Variants in ADAM10 observed in about 807,000 individuals in gnomAD.
ADAM10 encodes disintegrin and metalloproteinase domain-containing protein 10.
Under a neutral mutation model 90.1 loss-of-function variants are expected in ADAM10, and 17 were observed. The observed-to-expected ratio is 0.19, with a 90% CI of 0.13 to 0.28. ADAM10 has a LOEUF of 0.28. Ranked by LOEUF, ADAM10 falls within the 10% of genes least tolerant of loss-of-function variation. The probability of loss-of-function intolerance (pLI) is 1.00; values close to 1 mark genes in which losing one functional copy is unlikely to be tolerated. For missense variants in ADAM10, 610 were observed against 914.3 expected (o/e 0.67, Z 4.29); for synonymous variants, 310 against 298.6 (o/e 1.04, Z -0.40).
intron 2 of ADAM10, among the ~76,000 whole-genome samples, chr15:58,683,835 G>C (rs1217510118): frequency 7.3e-6 from 1 of 137,362 alleles, no homozygotes; most frequent in Non-Finnish European, 1.5e-5. Context: ...ACTCCAGCCT[G>C]GGTGACAAAG....
intron 3 of ADAM10, among the ~76,000 whole-genome samples, chr15:58,680,983 TTA>T (rs1319859503): frequency 1.3e-5 from 2 of 152,178 alleles, no homozygotes; most frequent in Admixed American, 6.5e-5. Flanking sequence ...AACTAAATTT[TTA>T]TGTTTTTTAG....
At chr15:58,697,985 T>C (rs1168850973) in intron 2 of ADAM10, among the ~76,000 whole-genome samples, 1 of 152,150 alleles carries the variant, frequency 6.6e-6, no homozygotes, top group Non-Finnish European at 1.5e-5. Flanking sequence ...CAAAATGCCC[T>C]ACCCAATCAA....
intron 1 of ADAM10, among the ~76,000 whole-genome samples, chr15:58,741,645 CAG>C (rs1259000061): frequency 6.6e-6 from 1 of 152,222 alleles, no homozygotes; most frequent in Non-Finnish European, 1.5e-5. Context: ...TTAAATTCAA[CAG>C]AGTGAGCCCT....
chr15:58,627,963 A>C, intron 9 of ADAM10, 80 bp from the exon 10 acceptor site: 78 of 1,391,292 alleles, frequency 5.6e-5, no homozygotes, highest in Non-Finnish European at 7.3e-5. Context: ...TAATGTTCTC[A>C]TCAGGAAAAC....
intron 1 of ADAM10, among the ~76,000 whole-genome samples, chr15:58,744,851 G>A (rs1230538169): frequency 1.3e-5 from 2 of 151,962 alleles, no homozygotes; most frequent in African/African-American, 4.8e-5. Context: ...CTCTAACCAA[G>A]ACCAACAACA....
chr15:58,689,955 A>ACCCCCCC (rs1566996246), intron 2 of ADAM10, among the ~76,000 whole-genome samples: 2 of 130,006 alleles, frequency 1.5e-5, no homozygotes, highest in South Asian at 3.1e-4. Context: ...CCCCCCCCAA[A>ACCCCCCC]AAAAAAAAAA....
intron 4 of ADAM10, among the ~76,000 whole-genome samples, chr15:58,665,812 T>C (rs1180084174): frequency 1.3e-5 from 2 of 152,052 alleles, no homozygotes; most frequent in Non-Finnish European, 2.9e-5. Context: ...CTTATTTCCT[T>C]ATTTTTAGAT....
intron 5 of ADAM10, among the ~76,000 whole-genome samples, chr15:58,661,145 C>T (rs1036545911): frequency 2.6e-5 from 4 of 152,216 alleles, no homozygotes; most frequent in Admixed American, 6.5e-5. Flanking sequence ...CTGTATATTA[C>T]AAAATCCATT....
chr15:58,675,088 C>G (rs1229712013), intron 4 of ADAM10, among the ~76,000 whole-genome samples: 1 of 152,176 alleles, frequency 6.6e-6, no homozygotes, highest in African/African-American at 2.4e-5. Flanking sequence ...CCCAGCTATT[C>G]ACAGGAGGCT....
At chr15:58,598,107 A>T (rs1895006142) in intron 15 of ADAM10, among the ~76,000 whole-genome samples, 2 of 152,178 alleles carry the variant, frequency 1.3e-5, no homozygotes, top group South Asian at 4.1e-4. Context: ...TTAACCTGAG[A>T]CTCAGATGCC....
intron 10 of ADAM10, among the ~76,000 whole-genome samples, chr15:58,622,666 G>C (rs1434281696): frequency 6.6e-6 from 1 of 152,162 alleles, no homozygotes; most frequent in Non-Finnish European, 1.5e-5. Flanking sequence ...TATTGAGCCA[G>C]ATCTTGGTTG....
chr15:58,610,223 T>C (rs1187890309), intron 14 of ADAM10, 74 bp downstream of exon 14: 2 of 1,262,998 alleles, frequency 1.6e-6, no homozygotes, highest in Admixed American at 1.7e-5. Flanking sequence ...TCTCGTAACT[T>C]TGATGACTTC....
At chr15:58,705,494 G>A (rs1300218050) in intron 2 of ADAM10, among the ~76,000 whole-genome samples, 2 of 152,282 alleles carry the variant, frequency 1.3e-5, no homozygotes, top group East Asian at 3.9e-4. Flanking sequence ...CAGATACTGA[G>A]TCCCTAGTCT....
intron 13 of ADAM10, chr15:58,610,779 TA>T: frequency 3.2e-6 from 2 of 633,504 alleles, no homozygotes; most frequent in South Asian, 3.9e-5. Context: ...ATTACTGCTG[TA>T]AAGCTGGCAA....
intron 1 of ADAM10, among the ~76,000 whole-genome samples, chr15:58,735,077 G>C (rs905815300): frequency 6.6e-6 from 1 of 152,202 alleles, no homozygotes; most frequent in African/African-American, 2.4e-5. Flanking sequence ...GATAGAGCAT[G>C]TGGTATCATC....
rs1894991928 is a variant in ADAM10 at position 58,597,550 on chromosome 15, G to C, written c.2244C>G (p.Arg748=). 1.9e-6 allele frequency: 3 copies of C among 1,614,154 alleles called. No homozygotes were observed. Among genetic ancestry groups the C allele is most frequent in the East Asian group, 2.2e-5 (1 of 44,882 alleles). ...RESYQMGHMR[R] ...AGAACCAAGGCAAAAGCTGCAGTTA[G>C]CGTCTCATGTGTCCCATTTGATAAC... Residue 748 remains arginine, a synonymous_variant, in exon 16 of 16, where the codon CGC becomes CGG. Transcript: ENST00000260408.
chr15:58,694,961 A>G (rs936713220), intron 2 of ADAM10, among the ~76,000 whole-genome samples: 2 of 152,212 alleles, frequency 1.3e-5, no homozygotes, highest in Admixed American at 6.5e-5. Flanking sequence ...CTTGATTTCA[A>G]TGGCAGTTGC....
chr15:58,631,567 C>A (rs571310204), intron 9 of ADAM10, among the ~76,000 whole-genome samples: 1 of 152,152 alleles, frequency 6.6e-6, no homozygotes, highest in East Asian at 1.9e-4. Context: ...GAAACTCAGG[C>A]CCCATCAAAG....
At chr15:58,664,190 G>A (rs1221248511) in intron 5 of ADAM10, among the ~76,000 whole-genome samples, 1 of 151,862 alleles carries the variant, frequency 6.6e-6, no homozygotes, top group Non-Finnish European at 1.5e-5. Flanking sequence ...TCTGATTATT[G>A]CCTTCAAATA....
Sources: gnomAD v4.1 joint callset for allele counts (sites outside exome capture counted in the v4.1 genomes callset) on GRCh38, gnomAD v4.1.1 for gene constraint, MANE v1.5 for transcripts, NCBI Gene and HGNC (gene_info 2026-07-23, HGNC 2026-07-21) for gene names.